FBXO11: variants seen among roughly 807,000 people sequenced by gnomAD.
The protein encoded by FBXO11 is F-box only protein 11.
In FBXO11, 13 loss-of-function variants were observed where a neutral mutation model predicts 117.0. The ratio of observed to expected loss-of-function variants is 0.11; its 90% CI spans 0.07 to 0.18. The LOEUF (loss-of-function observed/expected upper bound fraction) is 0.18, where lower values mean the gene tolerates loss of function less well. Ranked by LOEUF, FBXO11 falls within the 10% of genes least tolerant of loss-of-function variation. The pLI, the probability that FBXO11 is intolerant of heterozygous loss-of-function variation, is 1.00. For missense variants in FBXO11, 767 were observed against 1,164.4 expected, an observed-to-expected ratio of 0.66 and a Z score of 4.97; for synonymous variants, 490 against 380.5, an observed-to-expected ratio of 1.29 and a Z score of -3.35.
intron 1 of FBXO11, among the ~76,000 whole-genome samples, chr2:47,897,230 A>T (rs1011761231): frequency 6.6e-6 from 1 of 152,200 alleles, no homozygotes; most frequent in African/African-American, 2.4e-5. Flanking sequence ...CTATGAATGG[A>T]AGATAGAAAA....
intron 1 of FBXO11, among the ~76,000 whole-genome samples, chr2:47,874,867 CTTTTTTTT>C (rs377037169): frequency 1.2e-4 from 15 of 128,898 alleles, no homozygotes; most frequent in South Asian, 2.5e-4. Flanking sequence ...TGTCTCAGGA[CTTTTTTTT>C]TTTTTTTTTT....
intron 1 of FBXO11, among the ~76,000 whole-genome samples, chr2:47,855,459 T>A (rs1674214827): frequency 6.6e-6 from 1 of 152,116 alleles, no homozygotes; most frequent in South Asian, 2.1e-4. Context: ...TAAAAAGATA[T>A]AAACCCCTAC....
At chr2:47,905,296 C>T (rs1005696391) in intron 1 of FBXO11, 193 bp downstream of exon 1, 4 of 416,668 alleles carry the variant, frequency 9.6e-6, no homozygotes, top group African/African-American at 2.1e-5. Context: ...AGAAGGGAAG[C>T]CGCGGCTTTT....
intron 11 of FBXO11, among the ~76,000 whole-genome samples, chr2:47,827,967 G>A (rs563054748): frequency 1.2e-4 from 18 of 152,148 alleles, no homozygotes; most frequent in Non-Finnish European, 1.8e-4. Context: ...AAAGTGCTGC[G>A]ATTACAGAGC....
chr2:47,867,226 A>G (rs1054135705), intron 1 of FBXO11, among the ~76,000 whole-genome samples: 4 of 152,248 alleles, frequency 2.6e-5, no homozygotes, highest in Non-Finnish European at 4.4e-5. Context: ...TTAAAACAAC[A>G]AAGATTTATT....
intron 1 of FBXO11, among the ~76,000 whole-genome samples, chr2:47,896,330 C>CTTTTCTTT (rs1553360326): frequency 2.1e-5 from 3 of 142,970 alleles, no homozygotes; most frequent in African/African-American, 2.6e-5. Flanking sequence ...TGTTTCTTTT[C>CTTTTCTTT]TTTTTTTTTT....
At chr2:47,857,880 A>C (rs1439943747) in intron 1 of FBXO11, among the ~76,000 whole-genome samples, 1 of 152,210 alleles carries the variant, frequency 6.6e-6, no homozygotes, top group Non-Finnish European at 1.5e-5. Context: ...CAAGAATCAT[A>C]AGGCAGACGC....
chr2:47,898,112 CA>C (rs1462443866), intron 1 of FBXO11, among the ~76,000 whole-genome samples: 4 of 152,310 alleles, frequency 2.6e-5, no homozygotes, highest in African/African-American at 9.6e-5. Context: ...ACTGGGAGAG[CA>C]AGCAATTAAC....
chr2:47,847,025 T>C (rs1477614107), intron 1 of FBXO11, among the ~76,000 whole-genome samples: 2 of 152,052 alleles, frequency 1.3e-5, no homozygotes, highest in African/African-American at 4.8e-5. Flanking sequence ...AGGCACTTCA[T>C]CTGAGGCCAG....
At chr2:47,820,318 G>C in intron 14 of FBXO11, 44 bp downstream of exon 14, 1 of 1,489,310 alleles carries the variant, frequency 6.7e-7, no homozygotes, top group Non-Finnish European at 9.3e-7. Flanking sequence ...TATCCCCCTG[G>C]TTTTGATGCA....
chr2:47,821,994 A>T (rs546349777), intron 13 of FBXO11, among the ~76,000 whole-genome samples: 40 of 152,240 alleles, frequency 2.6e-4, no homozygotes, highest in Non-Finnish European at 4.0e-4. Flanking sequence ...CTGAAGGAGG[A>T]AGATCGCTTT....
chr2:47,812,556 A>C (rs1032738469), intron 18 of FBXO11, among the ~76,000 whole-genome samples: 3 of 152,226 alleles, frequency 2.0e-5, no homozygotes, highest in Admixed American at 2.0e-4. Context: ...CTGTCAATGG[A>C]ATCATCACTG....
intron 1 of FBXO11, among the ~76,000 whole-genome samples, chr2:47,891,272 A>C (rs1349522972): frequency 6.6e-6 from 1 of 151,818 alleles, no homozygotes; most frequent in Admixed American, 6.6e-5. Context: ...CTGACTAGTA[A>C]CTCCACATTT....
intron 11 of FBXO11, among the ~76,000 whole-genome samples, chr2:47,831,618 T>C (rs927547556): frequency 6.6e-6 from 1 of 151,974 alleles, no homozygotes; most frequent in South Asian, 2.1e-4. Flanking sequence ...AATGCTGTAT[T>C]AGGACTTGAA....
intron 1 of FBXO11, among the ~76,000 whole-genome samples, chr2:47,897,605 G>A (rs1265283997): frequency 2.7e-5 from 4 of 149,402 alleles, no homozygotes; most frequent in African/African-American, 7.4e-5. Flanking sequence ...GCTGAGGCAG[G>A]AGAATCACTT....
chr2:47,861,529 CCTGA>C (rs1256334783), intron 1 of FBXO11, among the ~76,000 whole-genome samples: 2 of 151,910 alleles, frequency 1.3e-5, no homozygotes, highest in African/African-American at 4.8e-5. Flanking sequence ...GCTGTATTGC[CCTGA>C]CTGGTCTTGA....
At chr2:47,864,157 G>T (rs1436563817) in intron 1 of FBXO11, among the ~76,000 whole-genome samples, 1 of 152,134 alleles carries the variant, frequency 6.6e-6, no homozygotes, top group Non-Finnish European at 1.5e-5. Context: ...CATAACTATG[G>T]TAGTTAAACA....
Position 47,809,605 on chromosome 2 carries a change from A to C in FBXO11, c.2441T>G (p.Met814Arg). Reference protein sequence around the residue: ...LFLASGVNVTMKDNKIMNNQD... With the variant: ...LFLASGVNVTRKDNKIMNNQD... The stretch of plus-strand genomic sequence containing the variant: ...TATAGCAGACTCCAACATACCTTTC[A>C]TTGTCACATTAACACCAGATGCTAA... Residue 814 changes from methionine (M) to arginine (R), a missense_variant, in exon 20 of 23, where the codon ATG becomes AGG. By Grantham distance (91) the Met-to-Arg change is moderately conservative. Coordinates refer to ENST00000403359, the MANE Select transcript of FBXO11 (RefSeq NM_001190274.2). 6.2e-7 allele frequency: 1 copy of C among 1,609,704 alleles called. No homozygotes were observed. The highest frequency in any genetic ancestry group is 8.5e-7 in the Non-Finnish European group (1 of 1,176,562).
At chr2:47,876,223 T>C (rs909584193) in intron 1 of FBXO11, among the ~76,000 whole-genome samples, 4 of 152,258 alleles carry the variant, frequency 2.6e-5, no homozygotes, top group East Asian at 1.9e-4. Flanking sequence ...AAAGCAAGAA[T>C]AGTAGCATTC....
Sources: gnomAD v4.1 joint callset for allele counts (sites outside exome capture counted in the v4.1 genomes callset) on GRCh38, gnomAD v4.1.1 for gene constraint, MANE v1.5 for transcripts, NCBI Gene and HGNC (gene_info 2026-07-23, HGNC 2026-07-21) for gene names.